The following NAV2 variants were observed in gnomAD, a reference collection of about 807,000 sequenced individuals.
NAV2 encodes neuron navigator 2.
A neutral mutation model predicts 223.2 loss-of-function variants in NAV2; 54 were observed. The ratio of observed to expected loss-of-function variants is 0.24; its 90% CI spans 0.19 to 0.30. NAV2 has a LOEUF of 0.30. Ranked by LOEUF, NAV2 falls within the 10% of genes least tolerant of loss-of-function variation. NAV2 has a pLI of 1.00. For missense variants in NAV2, 2,806 were observed against 3,147.5 expected (o/e 0.89, Z 2.60); for synonymous variants, 1,279 against 1,239.3 (o/e 1.03, Z -0.67).
At chr11:19,434,132 T>C (rs1385270591) in intron 1 of NAV2, among the ~76,000 whole-genome samples, 3 of 150,514 alleles carry the variant, frequency 2.0e-5, no homozygotes, top group Non-Finnish European at 4.4e-5. Flanking sequence ...GAGGAGAACA[T>C]GGATATTGGT....
At chr11:19,606,645 C>T (rs955123117) in intron 1 of NAV2, among the ~76,000 whole-genome samples, 2 of 152,180 alleles carry the variant, frequency 1.3e-5, no homozygotes, top group Admixed American at 1.3e-4. Context: ...CCTGTTAATT[C>T]TTCAAAGTGC....
Position 19,452,047 on chromosome 11 carries a change from G to A in NAV2, c.75+101020G>A, listed in dbSNP as rs77533115. 8.4e-3 allele frequency among the ~76,000 whole-genome samples: 1,284 copies of A among 152,024 alleles called. 22 individuals carry two copies. Among genetic ancestry groups the A allele is most frequent in the African/African-American group, 0.029 (1,211 of 41,440 alleles). On this transcript the variant is annotated intron_variant, in intron 1 of 37. Coordinates refer to the NAV2 transcript ENST00000360655. ...GTATCAGCTGTTTCATCCTCACTACGTGGTTCACGTCATTATCCTGTAACT... is the reference window on the plus strand; with the variant it reads ...GTATCAGCTGTTTCATCCTCACTACATGGTTCACGTCATTATCCTGTAACT...
chr11:19,548,285 G>T (rs1028620291), intron 1 of NAV2, among the ~76,000 whole-genome samples: 2 of 152,162 alleles, frequency 1.3e-5, no homozygotes, highest in Admixed American at 6.5e-5. Flanking sequence ...AAAATCAGAC[G>T]AAGAGAGAAT....
intron 1 of NAV2, among the ~76,000 whole-genome samples, chr11:19,766,560 C>T (rs1421421599): frequency 6.6e-6 from 1 of 152,186 alleles, no homozygotes; most frequent in African/African-American, 2.4e-5. Flanking sequence ...CAGAAACACA[C>T]AGCTGAGCCA....
At chr11:19,651,548 G>A (rs951314607) in intron 1 of NAV2, among the ~76,000 whole-genome samples, 1 of 152,236 alleles carries the variant, frequency 6.6e-6, no homozygotes, top group Non-Finnish European at 1.5e-5. Flanking sequence ...TGGGTTGGCA[G>A]TGTTACCTAG....
intron 9 of NAV2, among the ~76,000 whole-genome samples, chr11:19,947,475 G>A (rs117788715): frequency 0.034 from 5,110 of 152,306 alleles, 103 homozygotes; most frequent in Non-Finnish European, 0.046. Flanking sequence ...TCTACCATTA[G>A]GTGTGAAACA....
chr11:19,808,152 G>C (rs1266092175), intron 1 of NAV2, among the ~76,000 whole-genome samples: 1 of 152,216 alleles, frequency 6.6e-6, no homozygotes, highest in Non-Finnish European at 1.5e-5. Flanking sequence ...AAAGGACTTA[G>C]TGTGTGGCAC....
At chr11:19,447,459 C>A (rs903564897) in intron 1 of NAV2, among the ~76,000 whole-genome samples, 14 of 152,174 alleles carry the variant, frequency 9.2e-5, no homozygotes, top group Non-Finnish European at 1.5e-4. Flanking sequence ...GGCTGAGACA[C>A]CAGGACAAAC....
At chr11:19,511,923 A>G (rs755766480) in intron 1 of NAV2, among the ~76,000 whole-genome samples, 3 of 152,038 alleles carry the variant, frequency 2.0e-5, no homozygotes, top group Non-Finnish European at 4.4e-5. Context: ...TGAAAACCAA[A>G]CGCCTGTCCA....
intron 35 of NAV2, chr11:20,107,104 G>T: frequency 1.1e-5 from 1 of 87,712 alleles, no homozygotes; most frequent in Non-Finnish European, 1.9e-5. Context: ...TTAGGACGGA[G>T]TCTCGCTCTG....
chr11:19,519,497 G>A (rs566762270), intron 1 of NAV2, among the ~76,000 whole-genome samples: 2 of 152,216 alleles, frequency 1.3e-5, no homozygotes, highest in African/African-American at 2.4e-5. Flanking sequence ...GCTCGGAGAC[G>A]GTAGAGCCAG....
intron 14 of NAV2, among the ~76,000 whole-genome samples, chr11:20,047,514 G>A (rs1390659876): frequency 6.6e-6 from 1 of 152,148 alleles, no homozygotes; most frequent in Non-Finnish European, 1.5e-5. Context: ...AAAAAAAAGT[G>A]GATGAGATTT....
At chr11:19,788,025 T>A (rs2057264270) in intron 1 of NAV2, among the ~76,000 whole-genome samples, 1 of 152,146 alleles carries the variant, frequency 6.6e-6, no homozygotes. Flanking sequence ...CAAGTCCAAT[T>A]TAGCATGAAT....
chr11:19,614,099 G>A (rs184892908), intron 1 of NAV2, among the ~76,000 whole-genome samples: 1 of 152,264 alleles, frequency 6.6e-6, no homozygotes, highest in Admixed American at 6.5e-5. Flanking sequence ...AGAGGGTTGT[G>A]GTCTTACCCT....
intron 1 of NAV2, among the ~76,000 whole-genome samples, chr11:19,757,607 G>A (rs1270415686): frequency 6.6e-6 from 1 of 152,114 alleles, no homozygotes; most frequent in African/African-American, 2.4e-5. Context: ...CATGAACTAA[G>A]AGGATTTCTG....
At chr11:20,034,511 CT>C (rs568822041) in intron 11 of NAV2, among the ~76,000 whole-genome samples, 257 of 152,214 alleles carry the variant, frequency 1.7e-3, no homozygotes, top group Non-Finnish European at 2.9e-3. Flanking sequence ...TCCCAAGTAG[CT>C]GGGATTATAG....
chr11:19,445,659 A>G (rs1015337222), intron 1 of NAV2, among the ~76,000 whole-genome samples: 5 of 152,160 alleles, frequency 3.3e-5, no homozygotes, highest in African/African-American at 1.2e-4. Context: ...GAAAAAGCAG[A>G]AAGTGTTAGG....
intron 1 of NAV2, among the ~76,000 whole-genome samples, chr11:19,386,783 A>C (rs1723493667): frequency 6.6e-6 from 1 of 152,190 alleles, no homozygotes; most frequent in Admixed American, 6.5e-5. Context: ...GGCAATGGGT[A>C]AAGGGTAAAA....
chr11:20,025,783 C>T (rs548551208), intron 11 of NAV2, among the ~76,000 whole-genome samples: 1 of 152,226 alleles, frequency 6.6e-6, no homozygotes, highest in South Asian at 2.1e-4. Flanking sequence ...CGTTGCTTCT[C>T]CCCTAGGACA....
Sources: gnomAD v4.1 joint callset for allele counts (sites outside exome capture counted in the v4.1 genomes callset) on GRCh38, gnomAD v4.1.1 for gene constraint, MANE v1.5 for transcripts, NCBI Gene and HGNC (gene_info 2026-07-23, HGNC 2026-07-21) for gene names.